The following MIOX variants were observed in gnomAD, a reference collection of about 807,000 sequenced individuals.
MIOX encodes the protein myo-inositol oxygenase, also known as inositol oxygenase.
In MIOX, 51 loss-of-function variants were observed where a neutral mutation model predicts 42.7. The ratio of observed to expected loss-of-function variants is 1.19; its 90% CI spans 0.95 to 1.51. MIOX has a LOEUF of 1.51. MIOX is among the 40% of genes most tolerant of loss of function. The pLI is 0.00. For synonymous variants in MIOX, 168 were observed against 154.4 expected, an observed-to-expected ratio of 1.09 and a Z score of -0.65; for missense variants, 395 against 381.3, an observed-to-expected ratio of 1.04 and a Z score of -0.30.
intron 2 of MIOX, 79 bp downstream of exon 2, chr22:50,487,544 G>T: frequency 1.3e-6 from 2 of 1,553,554 alleles, no homozygotes; most frequent in Non-Finnish European, 8.8e-7. Context: ...CACAGTTCCA[G>T]GGGGTGCCCT....
chr22:50,487,250 G>A (rs1025922302), intron 1 of MIOX, 135 bp from the exon 2 acceptor site: 2 of 748,678 alleles, frequency 2.7e-6, no homozygotes, highest in Middle Eastern at 2.5e-4. Flanking sequence ...GCGTGGGAGA[G>A]GCTGTGTCCT....
chr22:50,487,178 T>C (rs530379893), intron 1 of MIOX, among the ~76,000 whole-genome samples: 1 of 152,282 alleles, frequency 6.6e-6, no homozygotes, highest in East Asian at 1.9e-4. Flanking sequence ...GCTTTGCAGA[T>C]GAGGACCTGG....
At chr22:50,488,654 A>G (rs1230428688) in intron 5 of MIOX, among the ~76,000 whole-genome samples, 67 of 69,110 alleles carry the variant, frequency 9.7e-4, no homozygotes, top group Middle Eastern at 7.5e-3. Flanking sequence ...CACTCCCCCC[A>G]CGGCCCCCCA....
chr22:50,489,187 G>A (rs2068324939), intron 6 of MIOX, 38 bp downstream of exon 6: 1 of 1,612,014 alleles, frequency 6.2e-7, no homozygotes. Context: ...CCCTTCCCTG[G>A]GCGGCTGCTG....
chr22:50,487,592 C>T (rs1014760912), intron 2 of MIOX, 70 bp from the exon 3 acceptor site: 62 of 1,561,364 alleles, frequency 4.0e-5, no homozygotes, highest in African/African-American at 5.4e-5. Context: ...TGTGGGGCTG[C>T]CTGGGAGAGG....
rs1418133430 is a variant in MIOX, at chr22:50,490,368, A to C, written c.*512A>C. 6.2e-6 allele frequency: 1 copy of C among 160,148 alleles called. No homozygotes were observed. The highest frequency in any genetic ancestry group is 1.4e-5 in the Non-Finnish European group (1 of 72,240). The allele number at this position is 160,148 out of a possible 1,614,324, so 9.9% of individuals were successfully genotyped here. A position where few individuals can be genotyped will look rare whatever the true frequency, so the allele number is the denominator to read the frequency against. On this transcript the variant is annotated 3_prime_UTR_variant, in exon 10 of 10. Coordinates refer to ENST00000216075, the MANE Select transcript of MIOX (RefSeq NM_017584.6). ...CACAGCGGCTCACACCTATAATCCC[A>C]GCACTTTGGGAGGGCGAGGTGGGCG...
Position 50,488,268 on chromosome 22 carries a change from C to G in MIOX, c.341-7C>G, listed in dbSNP as rs1201461680. ...TCCCCAACCTGCCCTGTCCATCCCC[C>G]TCCCAGACTGGTTCCACCTCGTCGG... On this transcript the variant is annotated splice_polypyrimidine_tract_variant and splice_region_variant and intron_variant, in intron 4 of 9. Transcript: ENST00000216075. 4 of 1,613,502 alleles carry G rather than the reference C, an allele frequency of 2.5e-6. No homozygotes were observed. The highest frequency in any genetic ancestry group is 3.4e-6 in the Non-Finnish European group (4 of 1,179,776).
At position 50,487,731 on chromosome 22, in the gene MIOX, G is replaced by A. The variant is rs756320260; in HGVS notation, c.166G>A (p.Val56Ile). The A allele has an allele frequency of 1.9e-5, 31 of 1,613,764 alleles. No individual in the cohort carries two copies. The highest frequency in any genetic ancestry group is 1.6e-4 in the Middle Eastern group (1 of 6,078). Reference sequence around the variant, plus strand: ...GCACACGCACCAGACAGTGGACTTCGTCAGGAGCAAGGTAGGCGTTTCCTG... The same window carrying A: ...GCACACGCACCAGACAGTGGACTTCATCAGGAGCAAGGTAGGCGTTTCCTG... ...LMHTHQTVDF[V>I]RSKHAQFGGF... The change falls in exon 3 of 10, where the codon GTC becomes ATC. Residue 56 changes from valine (V) to isoleucine (I), a missense_variant. Transcript: ENST00000216075.
At position 50,489,051 on chromosome 22, in the gene MIOX, C is replaced by A; in HGVS notation, c.420C>A (p.Val140=). 1 of 1,599,834 alleles carries A rather than the reference C, an allele frequency of 6.3e-7. No homozygotes were observed. Among genetic ancestry groups the A allele is most frequent in the South Asian group, 1.1e-5 (1 of 90,596 alleles). The change falls in exon 6 of 10, where the codon GTC becomes GTA. Residue 140 remains valine (V), a synonymous_variant. Coordinates refer to ENST00000216075, the MANE Select transcript of MIOX (RefSeq NM_017584.6). ...CTGTCCCTCTGCAGTGGGCTGTCGT[C>A]GGCGACACCTTCCCCGTCGGATGCC... is the stretch of plus-strand genomic sequence containing the variant. ...ALFGEPQWAV[V]GDTFPVGCRP... is the part of the protein sequence containing the mutation.
intron 5 of MIOX, 140 bp from the exon 6 acceptor site, chr22:50,488,900 G>A: frequency 1.7e-6 from 1 of 595,962 alleles, no homozygotes; most frequent in South Asian, 1.8e-5. Context: ...CTGTCCCTCT[G>A]CAGTGGGCAG....
In MIOX at chr22:50,489,358, G is replaced by A. The variant is rs1338966863; in HGVS notation, c.587-39G>A. The A allele has an allele frequency of 2.0e-6, 3 of 1,468,862 alleles. No homozygotes were observed. In the South Asian group the frequency reaches 3.8e-5, roughly 19 times the overall value. The allele number at this position is 1,468,862 out of a possible 1,614,324, so 91.0% of individuals were successfully genotyped here. ...GTGGGGGACGGTGGGGGGCGGTGGG[G>A]CAGAGGCAGTGCCTGCTGGTGACAC... is the stretch of plus-strand genomic sequence containing the variant. On this transcript the variant is annotated intron_variant, in intron 7 of 9. Coordinates refer to ENST00000216075, the MANE Select transcript of MIOX (RefSeq NM_017584.6).
rs1023889725 is a variant in MIOX at position 50,487,924 on chromosome 22, A to T, written c.216A>T (p.Thr72=). Residue 72 remains threonine (T), a synonymous_variant, in exon 4 of 10, where the codon ACA becomes ACT. Coordinates refer to ENST00000216075, the MANE Select transcript of MIOX (RefSeq NM_017584.6). Reference sequence around the variant, plus strand: ...GGGGCTTCTCCTACAAGAAAATGACAGTCATGGAGGCCGTGGACCTGCTGG... The same window carrying T: ...GGGGCTTCTCCTACAAGAAAATGACTGTCATGGAGGCCGTGGACCTGCTGG... ...QFGGFSYKKM[T]VMEAVDLLDG... 6.2e-7 allele frequency: 1 copy of T among 1,613,816 alleles called. No homozygotes were observed. Among genetic ancestry groups the T allele is most frequent in the African/African-American group, 1.3e-5 (1 of 74,906 alleles).
At chr22:50,487,630 G>C (rs750945165) in intron 2 of MIOX, 32 bp from the exon 3 acceptor site, 3 of 1,601,338 alleles carry the variant, frequency 1.9e-6, no homozygotes, top group Middle Eastern at 1.7e-4. Flanking sequence ...TGTGCAGGGT[G>C]GGGGTGGCGC....
chr22:50,488,418 C>G, intron 5 of MIOX, 76 bp downstream of exon 5: 3 of 1,256,696 alleles, frequency 2.4e-6, no homozygotes, highest in Non-Finnish European at 2.2e-6. Context: ...GGTGCTTGGC[C>G]TGGGATACTA....
chr22:50,487,313 C>A, intron 1 of MIOX, 72 bp from the exon 2 acceptor site: 1 of 1,333,678 alleles, frequency 7.5e-7, no homozygotes, highest in Non-Finnish European at 1.1e-6. Flanking sequence ...TCTGCAGCCA[C>A]CCTGGGAATG....
At position 50,487,477 on chromosome 22, in the gene MIOX, G is replaced by C; in HGVS notation, c.96+12G>C. On this transcript the variant is annotated intron_variant, in intron 2 of 9. Coordinates refer to ENST00000216075, the MANE Select transcript of MIOX (RefSeq NM_017584.6). ...TCCGGAACTACACGGTGAGTACCTTGCCGTCCTGCCCCCCTTCTCCCCCAT... is the reference window on the plus strand; with the variant it reads ...TCCGGAACTACACGGTGAGTACCTTCCCGTCCTGCCCCCCTTCTCCCCCAT... 4.4e-6 allele frequency: 7 copies of C among 1,609,056 alleles called. No individual in the cohort carries two copies. Among genetic ancestry groups the C allele is most frequent in the Non-Finnish European group, 5.1e-6 (6 of 1,176,758 alleles).
Position 50,489,271 on chromosome 22 carries a change from G to T in MIOX, c.562G>T (p.Val188Phe). The T allele has an allele frequency of 6.3e-7, 1 of 1,596,922 alleles. No individual in the cohort carries two copies. The highest frequency in any genetic ancestry group is 1.7e-4 in the Middle Eastern group (1 of 6,036). ...TCAGCCCCACTGTGGGCTCGACAGG[G>T]TCCTCATGTCCTGGGGCCATGATGG... is the stretch of plus-strand genomic sequence containing the variant. ...MYQPHCGLDR[V>F]LMSWGHDEYM... The change falls in exon 7 of 10, where the codon GTC becomes TTC. Residue 188 changes from valine (V) to phenylalanine (F), a missense_variant. Val to Phe is a conservative substitution (Grantham distance 50, BLOSUM62 -1). Coordinates refer to ENST00000216075, the MANE Select transcript of MIOX (RefSeq NM_017584.6).
At chr22:50,487,827 G>A in intron 3 of MIOX, 59 bp from the exon 4 acceptor site, 1 of 1,611,692 alleles carries the variant, frequency 6.2e-7, no homozygotes, top group Non-Finnish European at 8.5e-7. Flanking sequence ...AGGGGATGGA[G>A]AGGCCTGTGT....
rs763323405 is a variant in MIOX, at chr22:50,489,860, T to C, written c.*4T>C. 1 of 1,608,746 alleles carries C rather than the reference T, an allele frequency of 6.2e-7. No individual in the cohort carries two copies. Among genetic ancestry groups the C allele is most frequent in the South Asian group, 1.1e-5 (1 of 90,994 alleles). ...CCCTGGCATCCTGAGCTGGTGACCCTCCTGCCACCCAAGCTGCTGCTGGAC... is the reference window on the plus strand; with the variant it reads ...CCCTGGCATCCTGAGCTGGTGACCCCCCTGCCACCCAAGCTGCTGCTGGAC... On this transcript the variant is annotated 3_prime_UTR_variant, in exon 10 of 10. Transcript: ENST00000216075.
Sources: allele counts gnomAD v4.1 joint callset (sites outside exome capture counted in the v4.1 genomes callset), GRCh38; gene constraint gnomAD v4.1.1; transcripts MANE v1.5; gene names NCBI Gene and HGNC (gene_info 2026-07-23, HGNC 2026-07-21).